The following CHMP2B variants were observed in gnomAD, a reference collection of about 807,000 sequenced individuals.
CHMP2B encodes the protein charged multivesicular body protein 2B.
A neutral mutation model predicts 29.8 loss-of-function variants in CHMP2B; 22 were observed. That is an observed-to-expected ratio of 0.74 (90% confidence interval 0.53 to 1.05). The LOEUF (loss-of-function observed/expected upper bound fraction) is 1.05. Among genes scored for constraint, CHMP2B ranks in the 50% least tolerant of loss-of-function variants. CHMP2B has a pLI of 0.00. For missense variants in CHMP2B, 261 were observed against 252.2 expected (o/e 1.03, Z -0.24); for synonymous variants, 78 against 75.8 (o/e 1.03, Z -0.15).
At chr3:87,250,505 C>T (rs1706295891) in intron 4 of CHMP2B, among the ~76,000 whole-genome samples, 1 of 151,838 alleles carries the variant, frequency 6.6e-6, no homozygotes, top group East Asian at 1.9e-4. Flanking sequence ...TGTTTATTTT[C>T]TGTTTTTTTC....
At chr3:87,236,434 T>C (rs115460136) in intron 1 of CHMP2B, among the ~76,000 whole-genome samples, 1,669 of 152,270 alleles carry the variant, frequency 0.011, 11 homozygotes, top group Non-Finnish European at 0.015. Context: ...AAAATGTATG[T>C]AGATAGAATT....
At chr3:87,253,118 G>A (rs557712824) in intron 4 of CHMP2B, 1 of 330,544 alleles carries the variant, frequency 3.0e-6, no homozygotes, top group African/African-American at 2.2e-5. Flanking sequence ...TAAACATGTA[G>A]CTGTGACTAT....
Position 87,227,506 on chromosome 3 carries a change from G to T in CHMP2B, c.-17G>T. 1 of 1,614,138 alleles carries T rather than the reference G, an allele frequency of 6.2e-7. No homozygotes were observed. The highest frequency in any genetic ancestry group is 8.5e-7 in the Non-Finnish European group (1 of 1,180,012). The stretch of plus-strand genomic sequence containing the variant: ...CGGACCGGGCCGAGCCGGGCCGCCC[G>T]GGCGCAGTCTTTAACCATGGCGTCC... On this transcript the variant is annotated 5_prime_UTR_variant, in exon 1 of 6. Transcript: ENST00000263780.
intron 1 of CHMP2B, 122 bp from the exon 2 acceptor site, chr3:87,240,577 A>T: frequency 2.8e-6 from 2 of 716,742 alleles, no homozygotes; most frequent in Non-Finnish European, 5.0e-6. Flanking sequence ...GATTACAGGC[A>T]TGAGCCACTG....
At chr3:87,242,883 G>A (rs778574910) in intron 2 of CHMP2B, among the ~76,000 whole-genome samples, 1 of 151,930 alleles carries the variant, frequency 6.6e-6, no homozygotes, top group Non-Finnish European at 1.5e-5. Context: ...CTTCCACTTT[G>A]TACTTCTTTT....
chr3:87,227,340 C>T lies in CHMP2B; in HGVS notation c.-183C>T. ...TCCCGGTCACCTGAGCTCCGGGTGA[C>T]GCGGCTGCGGTAGCTGCGGATACAA... On this transcript the variant is annotated 5_prime_UTR_variant, in exon 1 of 6. In the 5' UTR this introduces an upstream ATG that the reference lacks. Transcript: ENST00000263780. The T allele has an allele frequency of 3.1e-6, 2 of 653,472 alleles. No homozygotes were observed. Among genetic ancestry groups the T allele is most frequent in the Non-Finnish European group, 5.5e-6 (2 of 364,926 alleles). The allele number at this position is 653,472 out of a possible 1,614,324, so 40.5% of individuals were successfully genotyped here. A position where few individuals can be genotyped will look rare whatever the true frequency, so the allele number is the denominator to read the frequency against.
At chr3:87,243,091 T>TA (rs1246031742) in intron 2 of CHMP2B, among the ~76,000 whole-genome samples, 1 of 152,156 alleles carries the variant, frequency 6.6e-6, no homozygotes, top group Non-Finnish European at 1.5e-5. Context: ...TCTTCTGACC[T>TA]ATGAAGTTAT....
intron 3 of CHMP2B, among the ~76,000 whole-genome samples, chr3:87,249,610 T>A (rs766493414): frequency 3.3e-5 from 5 of 152,090 alleles, no homozygotes; most frequent in Non-Finnish European, 7.4e-5. Flanking sequence ...GATTTTATGC[T>A]GATAATGTTT....
chr3:87,243,495 C>G (rs1266448166), intron 2 of CHMP2B, among the ~76,000 whole-genome samples: 1 of 151,866 alleles, frequency 6.6e-6, no homozygotes, highest in Non-Finnish European at 1.5e-5. Flanking sequence ...ATAATGCTGG[C>G]CTAGTAATGC....
intron 4 of CHMP2B, among the ~76,000 whole-genome samples, chr3:87,251,443 A>G (rs543886797): frequency 6.6e-6 from 1 of 152,116 alleles, no homozygotes; most frequent in East Asian, 1.9e-4. Context: ...AAAAGAATCA[A>G]TAACCCTTAC....
intron 1 of CHMP2B, among the ~76,000 whole-genome samples, chr3:87,235,251 C>T (rs10511133): frequency 0.38 from 58,245 of 151,884 alleles, 11,584 homozygotes; most frequent in South Asian, 0.57. Context: ...TGCCTCAGAC[C>T]GTTCTCATAT....
chr3:87,232,000 A>G (rs529003394), intron 1 of CHMP2B, among the ~76,000 whole-genome samples: 65 of 152,308 alleles, frequency 4.3e-4, no homozygotes, highest in African/African-American at 1.6e-3. Flanking sequence ...AAATGAAAAT[A>G]TATCTGCAAG....
At chr3:87,243,348 A>G (rs1706156774) in intron 2 of CHMP2B, among the ~76,000 whole-genome samples, 1 of 152,096 alleles carries the variant, frequency 6.6e-6, no homozygotes, top group African/African-American at 2.4e-5. Flanking sequence ...CTGTGTTCAT[A>G]AAACATACTG....
intron 3 of CHMP2B, among the ~76,000 whole-genome samples, chr3:87,249,234 A>T (rs1706269980): frequency 6.6e-6 from 1 of 152,158 alleles, no homozygotes; most frequent in African/African-American, 2.4e-5. Flanking sequence ...TTATAATCTT[A>T]TGGGGCCACT....
intron 1 of CHMP2B, among the ~76,000 whole-genome samples, chr3:87,231,029 T>C (rs1264428767): frequency 6.6e-6 from 1 of 152,032 alleles, no homozygotes; most frequent in African/African-American, 2.4e-5. Context: ...ACCTACCCAT[T>C]ATATGTTAGT....
At position 87,241,079 on chromosome 3, in the gene CHMP2B, T is replaced by A. The variant is rs552023510; in HGVS notation, c.126+289T>A. On this transcript the variant is annotated intron_variant, in intron 2 of 5. Transcript: ENST00000263780. ...AAAGATTGCTCAAGACAGAACCACC[T>A]TCTTAGTTAACAGGAAGATGAAATA... 2.0e-5 allele frequency among the ~76,000 whole-genome samples: 3 copies of A among 151,498 alleles called. No homozygotes were observed. In the South Asian group the frequency reaches 6.2e-4, roughly 31 times the overall value.
chr3:87,244,054 G>GTT (rs535788695), intron 2 of CHMP2B, among the ~76,000 whole-genome samples: 134 of 126,764 alleles, frequency 1.1e-3, no homozygotes, highest in Middle Eastern at 4.0e-3. Flanking sequence ...GTTTTTTGTT[G>GTT]TTTTTTTTTT....
Position 87,240,720 on chromosome 3 carries a change from G to T in CHMP2B, c.56G>T (p.Arg19Leu), listed in dbSNP as rs200322526. 6.2e-7 allele frequency: 1 copy of T among 1,613,020 alleles called. No individual in the cohort carries two copies. The highest frequency in any genetic ancestry group is 8.5e-7 in the Non-Finnish European group (1 of 1,179,158). ...TVDDVIKEQNRELRGTQRAII... is the reference protein window; with the variant it reads ...TVDDVIKEQNLELRGTQRAII... ...CTAGATGTAATAAAGGAACAGAATC[G>T]AGAGTTACGAGGTACACAGAGGGCT... Residue 19 changes from arginine (R) to leucine (L), a missense_variant, in exon 2 of 6, where the codon CGA becomes CTA. Transcript: ENST00000263780.
intron 1 of CHMP2B, among the ~76,000 whole-genome samples, chr3:87,228,823 A>G (rs1402771872): frequency 6.6e-6 from 1 of 151,464 alleles, no homozygotes; most frequent in Non-Finnish European, 1.5e-5. Flanking sequence ...AATGGATTTT[A>G]TGTGTGCTTT....
Sources: gnomAD v4.1 joint callset for allele counts (sites outside exome capture counted in the v4.1 genomes callset) on GRCh38, gnomAD v4.1.1 for gene constraint, MANE v1.5 for transcripts, NCBI Gene and HGNC (gene_info 2026-07-23, HGNC 2026-07-21) for gene names.